DNAJC10: variants seen among roughly 807,000 people sequenced by gnomAD.
DNAJC10 encodes the protein DnaJ heat shock protein family (Hsp40) member C10, also known as endoplasmic reticulum disulfide reductase DNAJC10.
In DNAJC10, 101 loss-of-function variants were observed where a neutral mutation model predicts 115.0. The ratio of observed to expected loss-of-function variants is 0.88; its 90% CI spans 0.75 to 1.04. The LOEUF is 1.04. Among genes scored for constraint, DNAJC10 ranks in the 50% least tolerant of loss-of-function variants. DNAJC10 has a pLI of 0.00. For synonymous variants in DNAJC10, 307 were observed against 301.5 expected, an observed-to-expected ratio of 1.02 and a Z score of -0.19; for missense variants, 981 against 928.8, an observed-to-expected ratio of 1.06 and a Z score of -0.73.
At chr2:182,742,334 C>G (rs749244549) in intron 13 of DNAJC10, among the ~76,000 whole-genome samples, 5 of 152,052 alleles carry the variant, frequency 3.3e-5, no homozygotes, top group Non-Finnish European at 5.9e-5. Flanking sequence ...GGACTACAGG[C>G]GCATGCCACC....
chr2:182,747,163 G>A (rs1449553384), intron 14 of DNAJC10, among the ~76,000 whole-genome samples: 2 of 150,826 alleles, frequency 1.3e-5, no homozygotes, highest in Admixed American at 1.3e-4. Flanking sequence ...GTCAGGTAGT[G>A]TGATGCCTCC....
chr2:182,737,029 C>T lies in DNAJC10; in HGVS notation c.987+643C>T, dbSNP rs548134327. Among the ~76,000 whole-genome samples the T allele has an allele frequency of 2.5e-4, 38 of 152,278 alleles. No individual in the cohort carries two copies. In the South Asian group the frequency reaches 5.0e-3, roughly 20 times the overall value. On this transcript the variant is annotated intron_variant, in intron 11 of 23. Transcript: ENST00000264065. ...CCTCCCAGAGAGCTGGGATTACAGG[C>T]GTGAGTCACCGCACCTAACCTAATT... is the stretch of plus-strand genomic sequence containing the variant.
intron 16 of DNAJC10, 94 bp downstream of exon 16, chr2:182,752,282 A>G (rs988867276): frequency 8.8e-6 from 5 of 568,014 alleles, no homozygotes; most frequent in Non-Finnish European, 1.4e-5. Context: ...ACTTAGAAAT[A>G]ATACATCTTC....
intron 16 of DNAJC10, among the ~76,000 whole-genome samples, chr2:182,754,241 A>G (rs1420152942): frequency 6.6e-6 from 1 of 152,196 alleles, no homozygotes; most frequent in Non-Finnish European, 1.5e-5. Flanking sequence ...TTTCAAGACT[A>G]ATATAAATGT....
intron 11 of DNAJC10, among the ~76,000 whole-genome samples, chr2:182,736,869 C>T (rs968653799): frequency 7.2e-5 from 11 of 152,142 alleles, no homozygotes; most frequent in Non-Finnish European, 1.2e-4. Context: ...TCTGCCTCAG[C>T]CTCCTGAGTA....
chr2:182,777,374 C>A lies in DNAJC10; in HGVS notation c.*242C>A. 1 of 303,748 alleles carries A rather than the reference C, an allele frequency of 3.3e-6. No individual in the cohort carries two copies. Among genetic ancestry groups the A allele is most frequent in the Non-Finnish European group, 6.2e-6 (1 of 161,392 alleles). The allele number at this position is 303,748 out of a possible 1,614,324, so 18.8% of individuals were successfully genotyped here. ...ATAATATATGGTTCACACATGAGAACAAGAATAGAGTCATCATGTATTCTT... is the reference window on the plus strand; with the variant it reads ...ATAATATATGGTTCACACATGAGAAAAAGAATAGAGTCATCATGTATTCTT... On this transcript the variant is annotated 3_prime_UTR_variant, in exon 24 of 24. Coordinates refer to ENST00000264065, the MANE Select transcript of DNAJC10 (RefSeq NM_018981.4).
chr2:182,788,430 C>A lies in DNAJC10; in HGVS notation c.*11298C>A. 4.7e-6 allele frequency: 1 copy of A among 214,806 alleles called. No individual in the cohort carries two copies. Among genetic ancestry groups the A allele is most frequent in the Non-Finnish European group, 9.3e-6 (1 of 107,656 alleles). The allele number at this position is 214,806 out of a possible 1,614,324, so 13.3% of individuals were successfully genotyped here. ...ACCTGTTACCACTTGCAGAAATCAA[C>A]AGACAAGGTGGATGAGAACTGTAAA... On this transcript the variant is annotated 3_prime_UTR_variant, in exon 24 of 24. Transcript: ENST00000264065.
chr2:182,777,875 G>A lies in DNAJC10; in HGVS notation c.*743G>A, dbSNP rs1694750279. ...AGTAAGTACACAAATTTGAGCAACA[G>A]TAAGTGCACAAATTCTGTAGTTTGC... On this transcript the variant is annotated 3_prime_UTR_variant, in exon 24 of 24. Coordinates refer to ENST00000264065, the MANE Select transcript of DNAJC10 (RefSeq NM_018981.4). The A allele has an allele frequency of 6.6e-6, 1 of 152,132 alleles. No homozygotes were observed. Among genetic ancestry groups the A allele is most frequent in the South Asian group, 2.1e-4 (1 of 4,822 alleles). The allele number at this position is 152,132 out of a possible 1,614,324, so 9.4% of individuals were successfully genotyped here.
At chr2:182,752,878 A>G (rs752029562) in intron 16 of DNAJC10, among the ~76,000 whole-genome samples, 6 of 152,178 alleles carry the variant, frequency 3.9e-5, no homozygotes, top group Non-Finnish European at 5.9e-5. Flanking sequence ...TATACATTGT[A>G]TATAGTGGAG....
chr2:182,793,812 G>C lies in DNAJC10; in HGVS notation c.*16680G>C, dbSNP rs931592122. 9.3e-6 allele frequency: 1 copy of C among 107,774 alleles called. No individual in the cohort carries two copies. The highest frequency in any genetic ancestry group is 4.1e-5 in the African/African-American group (1 of 24,278). The allele number at this position is 107,774 out of a possible 1,614,324, so 6.7% of individuals were successfully genotyped here. On this transcript the variant is annotated 3_prime_UTR_variant, in exon 24 of 24. Coordinates refer to ENST00000264065, the MANE Select transcript of DNAJC10 (RefSeq NM_018981.4). ...AGCAATCCTAAAATTTTCCAGAGAGGAAACACATCACACACACACACACAC... is the reference window on the plus strand; with the variant it reads ...AGCAATCCTAAAATTTTCCAGAGAGCAAACACATCACACACACACACACAC...
chr2:182,746,898 A>G (rs1355253476), intron 14 of DNAJC10, among the ~76,000 whole-genome samples: 6 of 151,700 alleles, frequency 4.0e-5, no homozygotes, highest in Non-Finnish European at 7.4e-5. Flanking sequence ...ATCTTGAATT[A>G]ATTTTTGTAT....
intron 14 of DNAJC10, 125 bp from the exon 15 acceptor site, chr2:182,751,533 C>A (rs1319194946): frequency 4.4e-6 from 5 of 1,142,986 alleles, no homozygotes; most frequent in Non-Finnish European, 6.2e-6. Context: ...CACACTAAAA[C>A]CTCACCAAAA....
chr2:182,751,711 C>G lies in DNAJC10; in HGVS notation c.1360C>G (p.His454Asp), dbSNP rs199796017. Residue 454 changes from histidine (H) to aspartate (D), a missense_variant, in exon 15 of 24, where the codon CAT becomes GAT. Physicochemically the swap from His to Asp is moderately conservative, Grantham distance 81. Transcript: ENST00000264065. ...LAFAKESVNS[H>D]VTTLGPQNFP... ...CTTTGCCAAAGAAAGTGTGAATTCT[C>G]ATGTTACCACGCTTGGACCTCAAAA... The G allele has an allele frequency of 6.2e-7, 1 of 1,613,950 alleles. No homozygotes were observed. Among genetic ancestry groups the G allele is most frequent in the Non-Finnish European group, 8.5e-7 (1 of 1,179,882 alleles).
At chr2:182,765,861 G>C (rs1694398073) in intron 22 of DNAJC10, among the ~76,000 whole-genome samples, 1 of 152,200 alleles carries the variant, frequency 6.6e-6, no homozygotes, top group African/African-American at 2.4e-5. Context: ...AGCTAGCAAG[G>C]TCTATTATCA....
At chr2:182,741,924 G>T (rs1374258598) in intron 13 of DNAJC10, among the ~76,000 whole-genome samples, 1 of 151,452 alleles carries the variant, frequency 6.6e-6, no homozygotes, top group East Asian at 1.9e-4. Flanking sequence ...TGGATTCACT[G>T]TATGCTTTTT....
intron 17 of DNAJC10, among the ~76,000 whole-genome samples, 190 bp from the exon 18 acceptor site, chr2:182,756,124 A>G (rs1407047618): frequency 3.9e-5 from 6 of 152,214 alleles, no homozygotes; most frequent in Admixed American, 3.3e-4. Context: ...GAAATGCTCC[A>G]AAGTCTGAAT....
At chr2:182,751,629 A>G (rs1183546420) in intron 14 of DNAJC10, 29 bp from the exon 15 acceptor site, 1 of 1,603,358 alleles carries the variant, frequency 6.2e-7, no homozygotes. Context: ...CAGAATTTGG[A>G]TTTGAATTTC....
At chr2:182,723,636 A>G (rs531837398) in intron 5 of DNAJC10, among the ~76,000 whole-genome samples, 14 of 152,156 alleles carry the variant, frequency 9.2e-5, no homozygotes, top group African/African-American at 2.9e-4. Flanking sequence ...ATCTCCTAAT[A>G]TATCAGTAAG....
At chr2:182,751,568 T>C in intron 14 of DNAJC10, 90 bp from the exon 15 acceptor site, 1 of 1,389,588 alleles carries the variant, frequency 7.2e-7, no homozygotes, top group Non-Finnish European at 9.9e-7. Flanking sequence ...ATTTATCTTC[T>C]TTAGTATTCT....
Sources: gnomAD v4.1 joint callset for allele counts (sites outside exome capture counted in the v4.1 genomes callset) on GRCh38, gnomAD v4.1.1 for gene constraint, MANE v1.5 for transcripts, NCBI Gene and HGNC (gene_info 2026-07-23, HGNC 2026-07-21) for gene names.